Variants in XAB2 observed in about 807,000 individuals in gnomAD.
XAB2 encodes pre-mRNA-splicing factor SYF1.
A neutral mutation model predicts 113.4 loss-of-function variants in XAB2; 57 were observed. The observed-to-expected ratio is 0.50, with a 90% CI of 0.41 to 0.63. The LOEUF is 0.63. XAB2 is among the 20% of genes least tolerant of loss of function. The probability of loss-of-function intolerance (pLI) is 0.00; values close to 1 mark genes in which losing one functional copy is unlikely to be tolerated. For missense variants in XAB2, 1,037 were observed against 1,233.3 expected (o/e 0.84, Z 2.38); for synonymous variants, 497 against 498.8 (o/e 1.00, Z 0.05).
At position 7,623,970 on chromosome 19, in the gene XAB2, G is replaced by T; in HGVS notation, c.968-88C>A. On this transcript the variant is annotated intron_variant, in intron 7 of 18. Coordinates refer to ENST00000358368, the MANE Select transcript of XAB2 (RefSeq NM_020196.3). This position sits in a 1 kb window ranked among gnomAD's most constrained non-coding sequence, Gnocchi z 4.6. ...CGCCTCCACTCCCCACCCTCACTCC[G>T]CTCCAGCCCCCAGCCAAGTGCTCTG... 10 of 1,426,398 alleles carry T rather than the reference G, an allele frequency of 7.0e-6. No individual in the cohort carries two copies. In the South Asian group the frequency reaches 1.4e-4, roughly 20 times the overall value. The allele number at this position is 1,426,398 out of a possible 1,614,324, so 88.4% of individuals were successfully genotyped here.
rs750319764 is a variant in XAB2 at position 7,622,313 on chromosome 19, T to C, written c.1617+18A>G. 6 of 1,612,614 alleles carry C rather than the reference T, an allele frequency of 3.7e-6. No individual in the cohort carries two copies. Among genetic ancestry groups the C allele is most frequent in the South Asian group, 1.1e-5 (1 of 91,000 alleles). ...GACACTGCCATCAGGGGCCTCTGGG[T>C]CCACCCTAGCCCCTCACCTTGAAGC... On this transcript the variant is annotated intron_variant, in intron 12 of 18. Coordinates refer to ENST00000358368, the MANE Select transcript of XAB2 (RefSeq NM_020196.3).
intron 16 of XAB2, 67 bp downstream of exon 16, chr19:7,620,208 G>A (rs766043451): frequency 1.6e-5 from 25 of 1,604,420 alleles, no homozygotes; most frequent in African/African-American, 8.0e-5. Flanking sequence ...TCCCAGACCC[G>A]GAAAGCCCAG....
At position 7,627,460 on chromosome 19, in the gene XAB2, C is replaced by T. The variant is rs371844563; in HGVS notation, c.325-20G>A. The T allele has an allele frequency of 3.8e-6, 6 of 1,590,848 alleles. No homozygotes were observed. Among genetic ancestry groups the T allele is most frequent in the South Asian group, 3.4e-5 (3 of 89,010 alleles). ...AGGCATCTGGGGGTGTGGGGAGAGGCGGCTGGGGCTAAGCCACGGACTCCA... is the reference window on the plus strand; with the variant it reads ...AGGCATCTGGGGGTGTGGGGAGAGGTGGCTGGGGCTAAGCCACGGACTCCA... On this transcript the variant is annotated intron_variant, in intron 3 of 18. Transcript: ENST00000358368. The surrounding 1 kb of genome is among the most constrained non-coding windows in gnomAD (Gnocchi z 4.5).
At position 7,623,135 on chromosome 19, in the gene XAB2, C is replaced by A; in HGVS notation, c.1239+35G>T. On this transcript the variant is annotated intron_variant, in intron 9 of 18. Transcript: ENST00000358368. This position sits in a 1 kb window ranked among gnomAD's most constrained non-coding sequence, Gnocchi z 4.6. ...ACACATATACAAGCACACACACATG[C>A]ATGAACACACAGGCACACGCAACAG... The A allele has an allele frequency of 6.2e-7, 1 of 1,610,256 alleles. No individual in the cohort carries two copies. The highest frequency in any genetic ancestry group is 1.1e-5 in the South Asian group (1 of 90,954).
chr19:7,620,395 T>G lies in XAB2; in HGVS notation c.2146A>C (p.Asn716His), dbSNP rs2031004303. The G allele has an allele frequency of 1.2e-6, 2 of 1,612,000 alleles. No homozygotes were observed. Among genetic ancestry groups the G allele is most frequent in the Non-Finnish European group, 1.7e-6 (2 of 1,179,860 alleles). ...TWKDFEVRHG[N>H]EDTIKEMLRI... ...AGCATTTCCTTGATGGTGTCCTCAT[T>G]GCCATGCCGGACCTCAAAGTCCTTC... is the stretch of plus-strand genomic sequence containing the variant. Residue 716 changes from asparagine to histidine, a missense_variant, in exon 16 of 19, where the codon AAT (asparagine) becomes CAT (histidine). Coordinates refer to ENST00000358368, the MANE Select transcript of XAB2 (RefSeq NM_020196.3).
Position 7,623,938 on chromosome 19 carries a change from A to C in XAB2, c.968-56T>G. 1.3e-6 allele frequency: 2 copies of C among 1,484,994 alleles called. No individual in the cohort carries two copies. The highest frequency in any genetic ancestry group is 1.8e-6 in the Non-Finnish European group (2 of 1,118,328). The allele number at this position is 1,484,994 out of a possible 1,614,324, so 92.0% of individuals were successfully genotyped here. A position where few individuals can be genotyped will look rare whatever the true frequency, so the allele number is the denominator to read the frequency against. On this transcript the variant is annotated intron_variant, in intron 7 of 18. Coordinates refer to ENST00000358368, the MANE Select transcript of XAB2 (RefSeq NM_020196.3). The surrounding 1 kb of genome is among the most constrained non-coding windows in gnomAD (Gnocchi z 4.6). ...GGAGACCCAGGATGCAGGTCCCCGG[A>C]TGCCACCGCCTCCACTCCCCACCCT...
Position 7,629,534 on chromosome 19 carries a change from G to A in XAB2, c.-7C>T, listed in dbSNP as rs1276426185. 2 of 1,603,028 alleles carry A rather than the reference G, an allele frequency of 1.2e-6. No homozygotes were observed. The highest frequency in any genetic ancestry group is 1.7e-6 in the Non-Finnish European group (2 of 1,175,064). ...GTCGCGCCATCACCACCATTTTTCT[G>A]GATGCCCAGGTACAGGAGAGAGTCG... On this transcript the variant is annotated 5_prime_UTR_variant, in exon 1 of 19. Transcript: ENST00000358368.
chr19:7,628,725 C>A lies in XAB2; in HGVS notation c.52-427G>T, dbSNP rs2031195004. ...TTGGCCCCTCAGACTCCCACTGTCA[C>A]CATCTGACCCATCTCCACCCCAGGC... On this transcript the variant is annotated intron_variant, in intron 1 of 18. Transcript: ENST00000358368. This position sits in a 1 kb window ranked among gnomAD's most constrained non-coding sequence, Gnocchi z 4.6. Among the ~76,000 whole-genome samples the A allele has an allele frequency of 6.6e-6, 1 of 152,128 alleles. No individual in the cohort carries two copies. The highest frequency in any genetic ancestry group is 2.1e-4 in the South Asian group (1 of 4,826).
In XAB2 at chr19:7,620,587, C is replaced by T. The variant is rs1204833467; in HGVS notation, c.2054G>A (p.Arg685Gln). 45 of 1,613,206 alleles carry T rather than the reference C, an allele frequency of 2.8e-5. No homozygotes were observed. The highest frequency in any genetic ancestry group is 3.1e-5 in the Non-Finnish European group (37 of 1,179,946). ...CTGGGAGCAGAAGCTGTAGATGGCC[C>T]GGGCGCGGTCAATCTCCCCGAGCTT... ...ECKLGEIDRA[R>Q]AIYSFCSQIC... The change falls in exon 15 of 19, where the codon CGG becomes CAG. Residue 685 changes from arginine (R) to glutamine (Q), a missense_variant. Physicochemically the swap from Arg to Gln is conservative, Grantham distance 43 (BLOSUM62 1). Coordinates refer to ENST00000358368, the MANE Select transcript of XAB2 (RefSeq NM_020196.3).
Position 7,623,897 on chromosome 19 carries a change from C to T in XAB2, c.968-15G>A. ...GTCCACATCATCTGGGAGCCGCGAACATGTTTGTCAGGGGCGGAGACCCAG... is the reference window on the plus strand; with the variant it reads ...GTCCACATCATCTGGGAGCCGCGAATATGTTTGTCAGGGGCGGAGACCCAG... On this transcript the variant is annotated splice_polypyrimidine_tract_variant and intron_variant, in intron 7 of 18. Transcript: ENST00000358368. The surrounding 1 kb of genome is among the most constrained non-coding windows in gnomAD (Gnocchi z 4.6). The T allele has an allele frequency of 6.5e-7, 1 of 1,545,984 alleles. No individual in the cohort carries two copies. The highest frequency in any genetic ancestry group is 8.7e-7 in the Non-Finnish European group (1 of 1,149,316).
Position 7,622,238 on chromosome 19 carries a change from T to C in XAB2, c.1617+93A>G, listed in dbSNP as rs563327251. On this transcript the variant is annotated intron_variant, in intron 12 of 18. Coordinates refer to ENST00000358368, the MANE Select transcript of XAB2 (RefSeq NM_020196.3). ...TAAGTCACCCAGTCTGTATACTGTG[T>C]CACACAAGCCCCAGCAGATTCGTAA... 18 of 1,202,788 alleles carry C rather than the reference T, an allele frequency of 1.5e-5. No individual in the cohort carries two copies. The East Asian group carries it at 4.0e-4, about 26-fold the overall frequency. 74.5% of individuals were successfully genotyped at this position (1,202,788 alleles called of 1,614,324 possible).
rs879272406 is a variant in XAB2, at chr19:7,628,958, C to A, written c.51+519G>T. 2.0e-5 allele frequency among the ~76,000 whole-genome samples: 3 copies of A among 152,242 alleles called. No individual in the cohort carries two copies. The highest frequency in any genetic ancestry group is 7.2e-5 in the African/African-American group (3 of 41,458). ...CCAAGAATCTGGTGAAGATGTCACG[C>A]CTCTACTCCAGAGAGTAAGTATTTC... On this transcript the variant is annotated intron_variant, in intron 1 of 18. Transcript: ENST00000358368. This position sits in a 1 kb window ranked among gnomAD's most constrained non-coding sequence, Gnocchi z 4.6.
chr19:7,619,586 T>G lies in XAB2; in HGVS notation c.2568A>C (p.Ter856CysextTer?). The G allele has an allele frequency of 1.3e-6, 2 of 1,582,820 alleles. No homozygotes were observed. Among genetic ancestry groups the G allele is most frequent in the Non-Finnish European group, 1.7e-6 (2 of 1,164,644 alleles). Residue 856 changes from the stop codon to cysteine, a stop_lost, in exon 19 of 19, where the codon TGA becomes TGC. Coordinates refer to ENST00000358368, the MANE Select transcript of XAB2 (RefSeq NM_020196.3). Reference sequence around the variant, plus strand: ...GGAGGGGGGATGGGGGAGGGACGGGTCAGTCTTCCTTCAGGCTCCCAAACA... The same window carrying G: ...GGAGGGGGGATGGGGGAGGGACGGGGCAGTCTTCCTTCAGGCTCCCAAACA... Reference protein sequence around the residue: ...AAVFGSLKED* With the variant: ...AAVFGSLKEDC
Position 7,620,637 on chromosome 19 carries a change from G to T in XAB2, c.2004C>A (p.Cys668Ter), listed in dbSNP as rs2031011408. The T allele has an allele frequency of 6.2e-7, 1 of 1,612,966 alleles. No homozygotes were observed. Among genetic ancestry groups the T allele is most frequent in the African/African-American group, 1.3e-5 (1 of 74,914 alleles). The change falls in exon 15 of 19, where the codon TGC becomes TGA. Residue 668 changes from cysteine (C) to a stop codon, truncating the protein, a stop_gained. Coordinates refer to ENST00000358368, the MANE Select transcript of XAB2 (RefSeq NM_020196.3). LOFTEE classifies it high-confidence loss of function. ...VLSDEHAREM[C>*]LRFADMECKL... The stretch of plus-strand genomic sequence containing the variant: ...TGCACTCCATGTCTGCAAACCGCAG[G>T]CACATCTCACGCGCGTGCTCGTCCG...
chr19:7,621,080 C>A (rs1259285181), intron 13 of XAB2, 44 bp from the exon 14 acceptor site: 5 of 1,540,206 alleles, frequency 3.2e-6, no homozygotes, highest in East Asian at 4.8e-5. Flanking sequence ...TCAGCCGGGG[C>A]CAGTCAGAAA....
At position 7,619,683 on chromosome 19, in the gene XAB2, G is replaced by A. The variant is rs373646562; in HGVS notation, c.2507-36C>T. Reference sequence around the variant, plus strand: ...GGCGGGAGCCAGTCACCCTCCTGGCGTTGGCCTGTCCCCCGAGGCCCACCC... The same window carrying A: ...GGCGGGAGCCAGTCACCCTCCTGGCATTGGCCTGTCCCCCGAGGCCCACCC... On this transcript the variant is annotated intron_variant, in intron 18 of 18. Coordinates refer to ENST00000358368, the MANE Select transcript of XAB2 (RefSeq NM_020196.3). 1.0e-4 allele frequency: 168 copies of A among 1,606,268 alleles called. 2 individuals carry two copies. Among genetic ancestry groups the A allele is most frequent in the South Asian group, 4.0e-4 (36 of 90,078 alleles).
At position 7,627,902 on chromosome 19, in the gene XAB2, C is replaced by T; in HGVS notation, c.201-51G>A. 4.4e-6 allele frequency: 7 copies of T among 1,587,684 alleles called. No homozygotes were observed. Among genetic ancestry groups the T allele is most frequent in the Non-Finnish European group, 6.0e-6 (7 of 1,162,022 alleles). On this transcript the variant is annotated intron_variant, in intron 2 of 18. Transcript: ENST00000358368. This position sits in a 1 kb window ranked among gnomAD's most constrained non-coding sequence, Gnocchi z 4.5. ...TGATCGGTCAGCTTTATGGACACCC[C>T]CAGAACCATTTGCCCTGCCCCAGTT...
chr19:7,627,611 G>A lies in XAB2; in HGVS notation c.324+117C>T. The A allele has an allele frequency of 6.5e-7, 1 of 1,542,858 alleles. No individual in the cohort carries two copies. The highest frequency in any genetic ancestry group is 1.8e-5 in the Admixed American group (1 of 55,818). ...CCAGCCCAACTTCCCATGCAAAGAAGCAACAGGAATCCAAGCCCCCATCCC... is the reference window on the plus strand; with the variant it reads ...CCAGCCCAACTTCCCATGCAAAGAAACAACAGGAATCCAAGCCCCCATCCC... On this transcript the variant is annotated intron_variant, in intron 3 of 18. Transcript: ENST00000358368. The surrounding 1 kb of genome is among the most constrained non-coding windows in gnomAD (Gnocchi z 4.5).
chr19:7,622,312 G>T lies in XAB2; in HGVS notation c.1617+19C>A. The T allele has an allele frequency of 6.2e-7, 1 of 1,613,284 alleles. No individual in the cohort carries two copies. The highest frequency in any genetic ancestry group is 8.5e-7 in the Non-Finnish European group (1 of 1,179,354). ...GGACACTGCCATCAGGGGCCTCTGG[G>T]TCCACCCTAGCCCCTCACCTTGAAG... On this transcript the variant is annotated intron_variant, in intron 12 of 18. Coordinates refer to ENST00000358368, the MANE Select transcript of XAB2 (RefSeq NM_020196.3).
Sources: allele counts gnomAD v4.1 joint callset (sites outside exome capture counted in the v4.1 genomes callset), GRCh38; gene constraint gnomAD v4.1.1; non-coding constraint Gnocchi (gnomAD v3.1); transcripts MANE v1.5; gene names NCBI Gene and HGNC (gene_info 2026-07-23, HGNC 2026-07-21).